The following SERBP1 variants were observed in gnomAD, a reference collection of about 807,000 sequenced individuals.
The protein encoded by SERBP1 is SERPINE1 mRNA binding protein 1, also known as SERPINE1 mRNA-binding protein 1.
In SERBP1, 6 loss-of-function variants were observed where a neutral mutation model predicts 50.2. The observed-to-expected ratio is 0.12, with a 90% CI of 0.07 to 0.24. SERBP1 has a LOEUF of 0.24. SERBP1 is among the 10% of genes least tolerant of loss of function. The pLI is 1.00. For missense variants in SERBP1, 346 were observed against 524.9 expected, an observed-to-expected ratio of 0.66 and a Z score of 3.33; for synonymous variants, 168 against 182.8, an observed-to-expected ratio of 0.92 and a Z score of 0.65.
At position 67,409,085 on chromosome 1, in the gene SERBP1, GCTGT is replaced by G. The variant is rs1404429626; in HGVS notation, c.*4118_*4121del. ...GTGGTGGTGTACACCTGTAAAATTA[GCTGT>G]CTGTGGTGGTGCACACCTGTAATCC... On this transcript the variant is annotated 3_prime_UTR_variant, in exon 8 of 8. Transcript: ENST00000361219. 1.3e-5 allele frequency: 2 copies of G among 151,890 alleles called. No individual in the cohort carries two copies. The highest frequency in any genetic ancestry group is 4.8e-5 in the African/African-American group (2 of 41,344). The allele number at this position is 151,890 out of a possible 1,614,324, so 9.4% of individuals were successfully genotyped here. A position where few individuals can be genotyped will look rare whatever the true frequency, so the allele number is the denominator to read the frequency against.
rs762449898 is a variant in SERBP1 at position 67,412,195 on chromosome 1, T to C, written c.*1012A>G. On this transcript the variant is annotated 3_prime_UTR_variant, in exon 8 of 8. Coordinates refer to ENST00000361219, the MANE Select transcript of SERBP1 (RefSeq NM_001018069.2). ...TGTTTTAGAACAAGGAAGGGTTAAA[T>C]GGTGGCTGATTATGGATGTACCATT... 2.8e-4 allele frequency: 43 copies of C among 152,684 alleles called. No individual in the cohort carries two copies. The highest frequency in any genetic ancestry group is 4.4e-5 in the Non-Finnish European group (3 of 68,052). The allele number at this position is 152,684 out of a possible 1,614,324, so 9.5% of individuals were successfully genotyped here. A position where few individuals can be genotyped will look rare whatever the true frequency, so the allele number is the denominator to read the frequency against.
rs1353317391 is a variant in SERBP1 at position 67,408,977 on chromosome 1, AGT to A, written c.*4228_*4229del. 4 of 152,042 alleles carry A rather than the reference AGT, an allele frequency of 2.6e-5. No individual in the cohort carries two copies. Among genetic ancestry groups the A allele is most frequent in the African/African-American group, 4.8e-5 (2 of 41,402 alleles). The allele number at this position is 152,042 out of a possible 1,614,324, so 9.4% of individuals were successfully genotyped here. A position where few individuals can be genotyped will look rare whatever the true frequency, so the allele number is the denominator to read the frequency against. On this transcript the variant is annotated 3_prime_UTR_variant, in exon 8 of 8. Coordinates refer to ENST00000361219, the MANE Select transcript of SERBP1 (RefSeq NM_001018069.2). ...AGAACTAAACTTTTATTTTTCAGAC[AGT>A]GTGTCACCCAGACTGGAGTACAGTG... is the stretch of plus-strand genomic sequence containing the variant.
In SERBP1 at chr1:67,408,122, C is replaced by CA. The variant is rs979269379; in HGVS notation, c.*5084dup. ...ATAAAAATCCTTAATATTAGCCCTT[C>CA]ACTTTCCATGCTTCCACCCAGTAAC... On this transcript the variant is annotated 3_prime_UTR_variant, in exon 8 of 8. Coordinates refer to ENST00000361219, the MANE Select transcript of SERBP1 (RefSeq NM_001018069.2). The CA allele has an allele frequency of 1.4e-4, 21 of 152,216 alleles. No individual in the cohort carries two copies. Among genetic ancestry groups the CA allele is most frequent in the Admixed American group, 5.9e-4 (9 of 15,270 alleles). The allele number at this position is 152,216 out of a possible 1,614,324, so 9.4% of individuals were successfully genotyped here.
chr1:67,415,424 A>C, intron 6 of SERBP1, 85 bp from the exon 7 acceptor site: 1 of 1,368,432 alleles, frequency 7.3e-7, no homozygotes. Flanking sequence ...CTTCTAAAAA[A>C]AACCAAAAAT....
rs1164995551 is a variant in SERBP1, at chr1:67,424,128, T to C, written c.773+72A>G. On this transcript the variant is annotated intron_variant, in intron 5 of 7. Transcript: ENST00000361219. Reference sequence around the variant, plus strand: ...CCATCAAGTAACAGCATTAAATCTATGGGTTATCTTATTGGTAAAACTCCA... The same window carrying C: ...CCATCAAGTAACAGCATTAAATCTACGGGTTATCTTATTGGTAAAACTCCA... The C allele has an allele frequency of 1.9e-5, 28 of 1,480,860 alleles. No homozygotes were observed. The East Asian group carries it at 2.3e-4, about 12-fold the overall frequency. 91.7% of individuals were successfully genotyped at this position (1,480,860 alleles called of 1,614,324 possible).
chr1:67,422,398 C>T (rs1200501279), intron 5 of SERBP1, among the ~76,000 whole-genome samples: 2 of 151,530 alleles, frequency 1.3e-5, no homozygotes, highest in Non-Finnish European at 2.9e-5. Flanking sequence ...GTAATCCCAG[C>T]TACTCAGGAG....
chr1:67,423,542 G>A (rs922306664), intron 5 of SERBP1, among the ~76,000 whole-genome samples: 1 of 151,948 alleles, frequency 6.6e-6, no homozygotes, highest in Non-Finnish European at 1.5e-5. Context: ...AGGAGGCGGA[G>A]GGTGCAGTGA....
Position 67,430,398 on chromosome 1 carries a change from G to A in SERBP1, c.-98C>T, listed in dbSNP as rs1256245110. The A allele has an allele frequency of 3.1e-6, 4 of 1,305,560 alleles. No homozygotes were observed. Among genetic ancestry groups the A allele is most frequent in the Admixed American group, 5.2e-5 (2 of 38,832 alleles). The allele number at this position is 1,305,560 out of a possible 1,614,324, so 80.9% of individuals were successfully genotyped here. ...TCTTCCCACAAGATGGCCGGGCCGA[G>A]AGAGGGGGGCCGTCTTCTCTTCCGG... On this transcript the variant is annotated 5_prime_UTR_variant, in exon 1 of 8. Transcript: ENST00000361219.
Position 67,412,253 on chromosome 1 carries a change from T to C in SERBP1, c.*954A>G, listed in dbSNP as rs1232321858. On this transcript the variant is annotated 3_prime_UTR_variant, in exon 8 of 8. Transcript: ENST00000361219. ...TGGGACCTTTCACACACAGAAATCA[T>C]ACCAAATGGCCAGACACTTATTTTA... 6.6e-6 allele frequency: 1 copy of C among 152,654 alleles called. No individual in the cohort carries two copies. Among genetic ancestry groups the C allele is most frequent in the African/African-American group, 2.4e-5 (1 of 41,456 alleles). The allele number at this position is 152,654 out of a possible 1,614,324, so 9.5% of individuals were successfully genotyped here.
In SERBP1 at chr1:67,413,189, T is replaced by G. The variant is rs1433987498; in HGVS notation, c.*18A>C. On this transcript the variant is annotated 3_prime_UTR_variant, in exon 8 of 8. Coordinates refer to ENST00000361219, the MANE Select transcript of SERBP1 (RefSeq NM_001018069.2). The stretch of plus-strand genomic sequence containing the variant: ...AGAAGGGTTCACAAAGGAACCAGGG[T>G]TGTCTTATGGCATCCAGTTAAGCCA... 6.3e-7 allele frequency: 1 copy of G among 1,592,200 alleles called. No homozygotes were observed. The highest frequency in any genetic ancestry group is 8.5e-7 in the Non-Finnish European group (1 of 1,171,832).
intron 6 of SERBP1, 152 bp from the exon 7 acceptor site, chr1:67,415,491 G>A (rs1666975561): frequency 1.4e-6 from 1 of 705,066 alleles, no homozygotes; most frequent in Non-Finnish European, 2.2e-6. Flanking sequence ...AACAAGCTAG[G>A]GCTCAGCTTT....
intron 5 of SERBP1, among the ~76,000 whole-genome samples, chr1:67,421,642 G>A (rs1171510162): frequency 6.6e-6 from 1 of 152,208 alleles, no homozygotes; most frequent in East Asian, 1.9e-4. Context: ...ATCACTGAGT[G>A]ATTGAACATG....
At position 67,426,128 on chromosome 1, in the gene SERBP1, A is replaced by C. The variant is rs1354195769; in HGVS notation, c.464+7T>G. 1.2e-6 allele frequency: 2 copies of C among 1,601,996 alleles called. No homozygotes were observed. The highest frequency in any genetic ancestry group is 1.3e-5 in the African/African-American group (1 of 74,216). ...AGACCCTGGCTCAAAAACAAGAAAC[A>C]ACTTACCTATCAACTGAAAATTCGC... On this transcript the variant is annotated splice_region_variant and intron_variant, in intron 2 of 7. Coordinates refer to ENST00000361219, the MANE Select transcript of SERBP1 (RefSeq NM_001018069.2).
At position 67,413,106 on chromosome 1, in the gene SERBP1, CTT is replaced by C. The variant is rs903537342; in HGVS notation, c.*99_*100del. The C allele has an allele frequency of 1.3e-4, 139 of 1,084,738 alleles. No individual in the cohort carries two copies. In the Middle Eastern group the frequency reaches 1.6e-3, roughly 13 times the overall value. 67.2% of individuals were successfully genotyped at this position (1,084,738 alleles called of 1,614,324 possible). On this transcript the variant is annotated 3_prime_UTR_variant, in exon 8 of 8. Transcript: ENST00000361219. ...AGGTGTGAATGGTATGAATGACAGT[CTT>C]TTTTTTTTTAATTTCTTAGTCGTTT... is the stretch of plus-strand genomic sequence containing the variant.
At position 67,419,535 on chromosome 1, in the gene SERBP1, T is replaced by G. The variant is rs189008076; in HGVS notation, c.951+474A>C. Among the ~76,000 whole-genome samples, 388 of 152,328 alleles carry G rather than the reference T, an allele frequency of 2.5e-3. 1 individual carries two copies. The highest frequency in any genetic ancestry group is 9.0e-3 in the African/African-American group (374 of 41,576). On this transcript the variant is annotated intron_variant, in intron 6 of 7. Transcript: ENST00000361219. ...AAAATGCACATTGCCATTTACTGAG[T>G]GTCCTGGCCATTATATATGGTATAG...
At chr1:67,423,258 C>T (rs1570297737) in intron 5 of SERBP1, among the ~76,000 whole-genome samples, 1 of 151,528 alleles carries the variant, frequency 6.6e-6, no homozygotes, top group African/African-American at 2.4e-5. Flanking sequence ...GACAGTGCCA[C>T]TACACTCCAG....
chr1:67,416,160 A>G (rs1425165675), intron 6 of SERBP1, among the ~76,000 whole-genome samples: 1 of 152,082 alleles, frequency 6.6e-6, no homozygotes, highest in Admixed American at 6.5e-5. Context: ...CTATAGGCAC[A>G]TGCCATGACA....
chr1:67,421,274 G>A (rs925916082), intron 5 of SERBP1, among the ~76,000 whole-genome samples: 3 of 152,134 alleles, frequency 2.0e-5, no homozygotes, highest in African/African-American at 4.8e-5. Flanking sequence ...CATATGTTAT[G>A]ACACAGCCAG....
rs1047187723 is a variant in SERBP1, at chr1:67,410,060, G to C, written c.*3147C>G. 6.6e-6 allele frequency: 1 copy of C among 152,154 alleles called. No individual in the cohort carries two copies. Among genetic ancestry groups the C allele is most frequent in the Non-Finnish European group, 1.5e-5 (1 of 68,022 alleles). 9.4% of individuals were successfully genotyped at this position (152,154 alleles called of 1,614,324 possible). Reference sequence around the variant, plus strand: ...TTAGAAAGTAAAATTGCATGCACCTGAGATCCCTGGAATTTGCTATACCAT... The same window carrying C: ...TTAGAAAGTAAAATTGCATGCACCTCAGATCCCTGGAATTTGCTATACCAT... On this transcript the variant is annotated 3_prime_UTR_variant, in exon 8 of 8. Coordinates refer to ENST00000361219, the MANE Select transcript of SERBP1 (RefSeq NM_001018069.2).
Sources: allele counts gnomAD v4.1 joint callset (sites outside exome capture counted in the v4.1 genomes callset), GRCh38; gene constraint gnomAD v4.1.1; transcripts MANE v1.5; gene names NCBI Gene and HGNC (gene_info 2026-07-23, HGNC 2026-07-21).